The following PKHD1 variants were observed in gnomAD, a reference collection of about 807,000 sequenced individuals.
PKHD1 encodes the protein fibrocystin.
Under a neutral mutation model 412.0 loss-of-function variants are expected in PKHD1, and 291 were observed. The observed-to-expected ratio is 0.71, with a 90% CI of 0.64 to 0.78. The LOEUF (loss-of-function observed/expected upper bound fraction) is 0.78, where lower values mean the gene tolerates loss of function less well. PKHD1 is among the 30% of genes least tolerant of loss of function. The probability of loss-of-function intolerance (pLI) is 0.00; values close to 1 mark genes in which losing one functional copy is unlikely to be tolerated. For missense variants in PKHD1, 4,825 were observed against 4,950.7 expected, an observed-to-expected ratio of 0.97 and a Z score of 0.76; for synonymous variants, 1,777 against 1,821.5, an observed-to-expected ratio of 0.98 and a Z score of 0.62.
Position 51,867,128 on chromosome 6 carries a change from A to G in PKHD1, c.7733+735T>C, listed in dbSNP as rs1045939634. On this transcript the variant is annotated intron_variant, in intron 48 of 66. Transcript: ENST00000371117. Reference sequence around the variant, plus strand: ...AGGTCTGACTGAATTACTTGACTTAATACTCATGGAGTTAGGACACTTAAG... The same window carrying G: ...AGGTCTGACTGAATTACTTGACTTAGTACTCATGGAGTTAGGACACTTAAG... Among the ~76,000 whole-genome samples, 3 of 152,176 alleles carry G rather than the reference A, an allele frequency of 2.0e-5. No homozygotes were observed. In the South Asian group the frequency reaches 6.2e-4, roughly 31 times the overall value.
At chr6:51,732,212 G>T (rs1783316019) in intron 60 of PKHD1, among the ~76,000 whole-genome samples, 1 of 152,034 alleles carries the variant, frequency 6.6e-6, no homozygotes, top group Non-Finnish European at 1.5e-5. Flanking sequence ...TACTGTTCTG[G>T]ATGGTTAATA....
At chr6:51,713,741 T>C (rs532595365) in intron 60 of PKHD1, among the ~76,000 whole-genome samples, 3 of 152,294 alleles carry the variant, frequency 2.0e-5, no homozygotes, top group African/African-American at 7.2e-5. Context: ...TGGTAGACTC[T>C]AGTGTCCAAG....
Position 51,903,621 on chromosome 6 carries a change from G to T in PKHD1, c.6972C>A (p.Ile2324=), listed in dbSNP as rs774455491. ...CCTCTATAACATTGGTGGGACTGCA[G>T]ATATAGATGCCAGATGGTGTCAACA... ...PEMLTPSGIY[I]CSPTNVIEGN... Residue 2324 remains isoleucine, a synonymous_variant, in exon 43 of 67, where the codon ATC becomes ATA. Coordinates refer to ENST00000371117, the MANE Select transcript of PKHD1 (RefSeq NM_138694.4). 1.2e-6 allele frequency: 2 copies of T among 1,611,470 alleles called. No homozygotes were observed. Among genetic ancestry groups the T allele is most frequent in the Non-Finnish European group, 1.7e-6 (2 of 1,178,076 alleles).
intron 37 of PKHD1, among the ~76,000 whole-genome samples, chr6:51,915,194 G>A (rs62405977): frequency 1.3e-5 from 2 of 152,044 alleles, no homozygotes; most frequent in Non-Finnish European, 2.9e-5. Context: ...ATAATTTGGA[G>A]GAACCCTCCA....
chr6:51,844,636 A>G (rs923569401), intron 50 of PKHD1, among the ~76,000 whole-genome samples: 7 of 152,142 alleles, frequency 4.6e-5, no homozygotes, highest in Non-Finnish European at 8.8e-5. Context: ...TAAATCACAC[A>G]TGCAGCAGCC....
intron 60 of PKHD1, chr6:51,721,617 T>C: frequency 9.2e-7 from 1 of 1,088,128 alleles, no homozygotes; most frequent in Non-Finnish European, 1.1e-6. Context: ...CCAAACTCAC[T>C]AAAGGCAAAG....
intron 48 of PKHD1, among the ~76,000 whole-genome samples, chr6:51,858,768 G>A (rs1358809): frequency 0.4 from 61,246 of 151,994 alleles, 13,535 homozygotes; most frequent in East Asian, 0.85. Flanking sequence ...GAATAAACAA[G>A]TGTTATATGC....
At chr6:51,932,222 C>T (rs1270654971) in intron 37 of PKHD1, among the ~76,000 whole-genome samples, 4 of 152,190 alleles carry the variant, frequency 2.6e-5, no homozygotes, top group African/African-American at 9.6e-5. Context: ...CAAAGGCTTA[C>T]ATGCACAACG....
intron 53 of PKHD1, among the ~76,000 whole-genome samples, chr6:51,786,183 A>G (rs1443864808): frequency 2.0e-5 from 3 of 152,126 alleles, no homozygotes; most frequent in African/African-American, 7.2e-5. Context: ...TGGCATCCCC[A>G]TTGGCCCAGA....
At chr6:52,059,259 C>CTTTTTTTTTTTTTTTTTTTTTTTTTTTTT (rs55992586) in intron 15 of PKHD1, among the ~76,000 whole-genome samples, 11 of 83,518 alleles carry the variant, frequency 1.3e-4, no homozygotes, top group African/African-American at 4.7e-4. Flanking sequence ...TTTTCTTTTT[C>CTTTTTTTTTTTTTTTTTTTTTTTTTTTTT]TTTTTTTTTT....
At chr6:51,931,685 T>C (rs535769574) in intron 37 of PKHD1, among the ~76,000 whole-genome samples, 1 of 152,306 alleles carries the variant, frequency 6.6e-6, no homozygotes, top group South Asian at 2.1e-4. Context: ...AGAGAGGAAA[T>C]GGCTTGATCT....
intron 63 of PKHD1, among the ~76,000 whole-genome samples, chr6:51,643,817 G>T (rs1243974903): frequency 2.0e-5 from 3 of 152,026 alleles, no homozygotes; most frequent in Non-Finnish European, 4.4e-5. Context: ...ACATGCATTA[G>T]CTATTCATCC....
In PKHD1 at chr6:51,635,630, C is replaced by T. The variant is rs114030074; in HGVS notation, c.11507-2907G>A. Among the ~76,000 whole-genome samples, 987 of 151,958 alleles carry T rather than the reference C, an allele frequency of 6.5e-3. 12 individuals are homozygous for T. The highest frequency in any genetic ancestry group is 0.023 in the African/African-American group (939 of 41,432). ...CTATAAAGCCAGGGAGTGATAAGTGCATAAAGAAAACTAAAGTGAGTTTAT... is the reference window on the plus strand; with the variant it reads ...CTATAAAGCCAGGGAGTGATAAGTGTATAAAGAAAACTAAAGTGAGTTTAT... On this transcript the variant is annotated intron_variant, in intron 64 of 66. Coordinates refer to ENST00000371117, the MANE Select transcript of PKHD1 (RefSeq NM_138694.4).
At chr6:51,682,484 A>G (rs1326048522) in intron 60 of PKHD1, among the ~76,000 whole-genome samples, 1 of 152,098 alleles carries the variant, frequency 6.6e-6, no homozygotes, top group Non-Finnish European at 1.5e-5. Flanking sequence ...AAATATTTTC[A>G]TAAGCCCAGA....
intron 60 of PKHD1, among the ~76,000 whole-genome samples, chr6:51,727,636 G>A (rs1214662969): frequency 6.6e-6 from 1 of 152,210 alleles, no homozygotes; most frequent in Non-Finnish European, 1.5e-5. Context: ...AGCATGCACA[G>A]TGTGTTAAGG....
intron 60 of PKHD1, among the ~76,000 whole-genome samples, chr6:51,716,882 C>A (rs1781331727): frequency 6.6e-6 from 1 of 151,976 alleles, no homozygotes; most frequent in African/African-American, 2.4e-5. Context: ...GGCCAAGAGT[C>A]ATAAGGAGCA....
chr6:52,007,904 A>C (rs1233397824), intron 35 of PKHD1, among the ~76,000 whole-genome samples: 1 of 152,130 alleles, frequency 6.6e-6, no homozygotes, highest in Non-Finnish European at 1.5e-5. Flanking sequence ...TCTATTCTTT[A>C]GGGTCCCATT....
At chr6:52,080,498 T>C (rs721091) in intron 4 of PKHD1, among the ~76,000 whole-genome samples, 66,157 of 151,774 alleles carry the variant, frequency 0.44, 15,624 homozygotes, top group Admixed American at 0.58. Context: ...TATACAAATA[T>C]TGCAGTGGCT....
At chr6:52,083,970 TAA>T (rs796981002) in intron 2 of PKHD1, among the ~76,000 whole-genome samples, 3 of 144,092 alleles carry the variant, frequency 2.1e-5, no homozygotes, top group Non-Finnish European at 3.1e-5. Flanking sequence ...TCCTTTTGTT[TAA>T]AAAAAAAAAA....
Sources: gnomAD v4.1 joint callset for allele counts (sites outside exome capture counted in the v4.1 genomes callset) on GRCh38, gnomAD v4.1.1 for gene constraint, MANE v1.5 for transcripts, NCBI Gene and HGNC (gene_info 2026-07-23, HGNC 2026-07-21) for gene names.